Variants in JMY observed in about 807,000 individuals in gnomAD.
The protein encoded by JMY is junction-mediating and -regulatory protein.
A neutral mutation model predicts 103.3 loss-of-function variants in JMY; 46 were observed. The ratio of observed to expected loss-of-function variants is 0.45; its 90% CI spans 0.35 to 0.57. The LOEUF is 0.57. Among genes scored for constraint, JMY ranks in the 20% least tolerant of loss-of-function variants. The pLI, the probability that JMY is intolerant of heterozygous loss-of-function variation, is 0.00. For synonymous variants in JMY, 526 were observed against 489.3 expected (o/e 1.07, Z -0.99); for missense variants, 1,238 against 1,255.2 (o/e 0.99, Z 0.21).
intron 1 of JMY, among the ~76,000 whole-genome samples, chr5:79,263,754 G>T (rs1404571148): frequency 6.6e-6 from 1 of 151,710 alleles, no homozygotes; most frequent in East Asian, 1.9e-4. Context: ...GCTTACTACA[G>T]CATCAGCCTC....
rs541749750 is a variant in JMY at position 79,245,161 on chromosome 5, A to G, written c.1032+7479A>G. ...TGGGTTAGACATTTCACAGAGGAGGATTTTTAAGGATAAATGTATGAAGTT... is the reference window on the plus strand; with the variant it reads ...TGGGTTAGACATTTCACAGAGGAGGGTTTTTAAGGATAAATGTATGAAGTT... On this transcript the variant is annotated intron_variant, in intron 1 of 10. Transcript: ENST00000396137. Among the ~76,000 whole-genome samples, 5 of 152,232 alleles carry G rather than the reference A, an allele frequency of 3.3e-5. No individual in the cohort carries two copies. The South Asian group carries it at 8.3e-4, about 25-fold the overall frequency.
chr5:79,316,212 C>T lies in JMY; in HGVS notation c.2872C>T (p.Arg958Trp), dbSNP rs755977291. Reference protein sequence around the residue: ...TLLPDTDPLTRSIHEALRRIK... With the variant: ...TLLPDTDPLTWSIHEALRRIK... Reference sequence around the variant, plus strand: ...TCTACCCGATACAGACCCTCTAACACGGAGCATCCATGAAGCTCTTAGAAG... The same window carrying T: ...TCTACCCGATACAGACCCTCTAACATGGAGCATCCATGAAGCTCTTAGAAG... Residue 958 changes from arginine (R) to tryptophan (W), a missense_variant, in exon 10 of 11, where the codon CGG becomes TGG. By Grantham distance (101) the Arg-to-Trp change is moderately radical (BLOSUM62 -3). Transcript: ENST00000396137. 16 of 1,613,544 alleles carry T rather than the reference C, an allele frequency of 9.9e-6. No individual in the cohort carries two copies. Among genetic ancestry groups the T allele is most frequent in the East Asian group, 2.2e-5 (1 of 44,882 alleles).
At chr5:79,314,878 T>C in intron 9 of JMY, 27 bp downstream of exon 9, 1 of 1,526,988 alleles carries the variant, frequency 6.5e-7, no homozygotes, top group South Asian at 1.3e-5. Flanking sequence ...TCATGGTCCA[T>C]CTGTTGTATG....
chr5:79,314,598 A>G lies in JMY; in HGVS notation c.2406A>G (p.Pro802=). The change falls in exon 9 of 11, where the codon CCA becomes CCG. Residue 802 remains proline (P), a synonymous_variant. Transcript: ENST00000396137. Reference sequence around the variant, plus strand: ...AACCATGTTCTGTTACCATAAATCCACTCCCATCCCCTCTTCCTCCAACAC... The same window carrying G: ...AACCATGTTCTGTTACCATAAATCCGCTCCCATCCCCTCTTCCTCCAACAC... ...NLEPCSVTIN[P]LPSPLPPTPP... 1 of 1,612,558 alleles carries G rather than the reference A, an allele frequency of 6.2e-7. No individual in the cohort carries two copies. Among genetic ancestry groups the G allele is most frequent in the Non-Finnish European group, 8.5e-7 (1 of 1,179,516 alleles).
At chr5:79,248,391 C>T (rs1358154591) in intron 1 of JMY, among the ~76,000 whole-genome samples, 4 of 152,096 alleles carry the variant, frequency 2.6e-5, no homozygotes, top group Non-Finnish European at 5.9e-5. Context: ...ACTGCAGCCT[C>T]TGCCTCCCAG....
At position 79,323,124 on chromosome 5, in the gene JMY, A is replaced by ATAT. The variant is rs1410916783; in HGVS notation, c.*1524_*1526dup. ...TGCCACCATGCCCCAGCTAATTTTTATATTTTTTATAGAGACAGGGTTTTG... is the reference window on the plus strand; with the variant it reads ...TGCCACCATGCCCCAGCTAATTTTTATATTATTTTTTATAGAGACAGGGTTTTG... On this transcript the variant is annotated 3_prime_UTR_variant, in exon 11 of 11. Coordinates refer to ENST00000396137, the MANE Select transcript of JMY (RefSeq NM_152405.5). 4 of 152,018 alleles carry ATAT rather than the reference A, an allele frequency of 2.6e-5. No homozygotes were observed. Among genetic ancestry groups the ATAT allele is most frequent in the Non-Finnish European group, 5.9e-5 (4 of 67,998 alleles). 9.4% of individuals were successfully genotyped at this position (152,018 alleles called of 1,614,324 possible).
intron 4 of JMY, among the ~76,000 whole-genome samples, chr5:79,293,174 G>C (rs1014359234): frequency 6.6e-6 from 1 of 151,990 alleles, no homozygotes; most frequent in Non-Finnish European, 1.5e-5. Flanking sequence ...CCCTAAAAAT[G>C]AAAATGTTTT....
chr5:79,282,409 A>T (rs745589041), intron 2 of JMY, among the ~76,000 whole-genome samples: 18 of 152,194 alleles, frequency 1.2e-4, no homozygotes, highest in Non-Finnish European at 2.5e-4. Context: ...CACAATTTAC[A>T]TTCAAAATGT....
chr5:79,253,255 T>C (rs138396439), intron 1 of JMY, among the ~76,000 whole-genome samples: 2 of 152,274 alleles, frequency 1.3e-5, no homozygotes, highest in East Asian at 3.9e-4. Flanking sequence ...TATATCTTAT[T>C]GTAAGTTGTC....
At chr5:79,309,708 A>G (rs1251271942) in intron 7 of JMY, among the ~76,000 whole-genome samples, 1 of 151,744 alleles carries the variant, frequency 6.6e-6, no homozygotes, top group Non-Finnish European at 1.5e-5. Context: ...CAAACTACCC[A>G]TAAACTATAA....
At chr5:79,299,391 G>A (rs540663274) in intron 4 of JMY, among the ~76,000 whole-genome samples, 2 of 152,032 alleles carry the variant, frequency 1.3e-5, no homozygotes, top group African/African-American at 4.8e-5. Context: ...GAAATAGTAG[G>A]GTTAGGAACC....
At chr5:79,248,375 C>A (rs1425589220) in intron 1 of JMY, among the ~76,000 whole-genome samples, 1 of 151,718 alleles carries the variant, frequency 6.6e-6, no homozygotes, top group Non-Finnish European at 1.5e-5. Flanking sequence ...GGCACGATCT[C>A]GGCTCACTGC....
intron 8 of JMY, among the ~76,000 whole-genome samples, chr5:79,313,542 G>C (rs1307045079): frequency 2.6e-5 from 4 of 152,088 alleles, no homozygotes; most frequent in African/African-American, 9.7e-5. Flanking sequence ...ATAGTTGATG[G>C]AGCTTTTTAA....
At chr5:79,253,918 T>C (rs1407793167) in intron 1 of JMY, among the ~76,000 whole-genome samples, 1 of 151,558 alleles carries the variant, frequency 6.6e-6, no homozygotes, top group Non-Finnish European at 1.5e-5. Flanking sequence ...CCACCCATCC[T>C]GTCCCCTGAA....
rs561980777 is a variant in JMY, at chr5:79,237,423, T to C, written c.773T>C (p.Val258Ala). The part of the protein sequence containing the change: ...VNSQLEPCLP[V>A]FPEEPSGMWT... ...TCGCAGTTGGAGCCGTGCCTGCCGGTGTTCCCCGAGGAACCTTCGGGCATG... is the reference window on the plus strand; with the variant it reads ...TCGCAGTTGGAGCCGTGCCTGCCGGCGTTCCCCGAGGAACCTTCGGGCATG... The change falls in exon 1 of 11, where the codon GTG becomes GCG. Residue 258 changes from valine (V) to alanine (A), a missense_variant. Transcript: ENST00000396137. 82 of 1,613,670 alleles carry C rather than the reference T, an allele frequency of 5.1e-5. No individual in the cohort carries two copies. The East Asian group carries it at 1.8e-3, about 36-fold the overall frequency.
At chr5:79,244,256 C>T (rs1744825433) in intron 1 of JMY, among the ~76,000 whole-genome samples, 1 of 152,154 alleles carries the variant, frequency 6.6e-6, no homozygotes, top group Admixed American at 6.5e-5. Flanking sequence ...CTGCTTCGGC[C>T]TCCCACAGTG....
intron 9 of JMY, 62 bp from the exon 10 acceptor site, chr5:79,315,938 A>T: frequency 7.1e-7 from 1 of 1,416,872 alleles, no homozygotes; most frequent in Non-Finnish European, 9.8e-7. Flanking sequence ...TAGAGGTTAT[A>T]CAGTTTCATT....
intron 1 of JMY, among the ~76,000 whole-genome samples, chr5:79,275,437 AG>A (rs1745911305): frequency 6.6e-6 from 1 of 152,202 alleles, no homozygotes; most frequent in Non-Finnish European, 1.5e-5. Context: ...CTGGGATTAC[AG>A]GCGTGAGCCA....
At chr5:79,295,557 A>G (rs1746542242) in intron 4 of JMY, among the ~76,000 whole-genome samples, 1 of 152,260 alleles carries the variant, frequency 6.6e-6, no homozygotes, top group South Asian at 2.1e-4. Flanking sequence ...CCAGTATCCC[A>G]GAAGGGAATA....
Sources: allele counts gnomAD v4.1 joint callset (sites outside exome capture counted in the v4.1 genomes callset), GRCh38; gene constraint gnomAD v4.1.1; transcripts MANE v1.5; gene names NCBI Gene and HGNC (gene_info 2026-07-23, HGNC 2026-07-21).